The following DPYS variants were observed in gnomAD, a reference collection of about 807,000 sequenced individuals.
DPYS encodes dihydropyrimidine amidohydrolase.
Under a neutral mutation model 50.3 loss-of-function variants are expected in DPYS, and 39 were observed. That is an observed-to-expected ratio of 0.78 (90% CI 0.60 to 1.01). The LOEUF is 1.01. Among genes scored for constraint, DPYS ranks in the 50% least tolerant of loss-of-function variants. The probability of loss-of-function intolerance (pLI) is 0.00; values close to 1 mark genes in which losing one functional copy is unlikely to be tolerated. For missense variants in DPYS, 659 were observed against 680.9 expected, an observed-to-expected ratio of 0.97 and a Z score of 0.36; for synonymous variants, 245 against 250.7, an observed-to-expected ratio of 0.98 and a Z score of 0.22.
chr8:104,465,138 A>T (rs888710536), intron 1 of DPYS, among the ~76,000 whole-genome samples: 2 of 152,076 alleles, frequency 1.3e-5, no homozygotes, highest in African/African-American at 4.8e-5. Flanking sequence ...GGATTGGGGA[A>T]CTTGGAGAGG....
At chr8:104,429,344 C>G (rs768017418) in intron 5 of DPYS, 5 of 610,638 alleles carry the variant, frequency 8.2e-6, no homozygotes, top group African/African-American at 1.9e-5. Context: ...TTCTGAGAGT[C>G]TAGGAAAGGC....
chr8:104,432,420 A>T (rs1161281756), intron 4 of DPYS, among the ~76,000 whole-genome samples: 1 of 152,216 alleles, frequency 6.6e-6, no homozygotes. Context: ...AACGCTAAAT[A>T]TTGAGTCCTG....
chr8:104,393,303 C>T (rs1301150053), intron 7 of DPYS, among the ~76,000 whole-genome samples: 3 of 152,182 alleles, frequency 2.0e-5, no homozygotes, highest in Non-Finnish European at 4.4e-5. Flanking sequence ...GTTAACAACA[C>T]ATTTTTTCAT....
At chr8:104,384,205 T>C (rs6994920) in intron 8 of DPYS, among the ~76,000 whole-genome samples, 55,533 of 152,116 alleles carry the variant, frequency 0.37, 13,601 homozygotes, top group African/African-American at 0.69. Flanking sequence ...CAGTCTTTCC[T>C]TTTGATAGAT....
chr8:104,437,746 C>A lies in DPYS; in HGVS notation c.793+6502G>T, dbSNP rs182057448. Among the ~76,000 whole-genome samples the A allele has an allele frequency of 9.7e-4, 147 of 152,278 alleles. 1 individual carries two copies. The highest frequency in any genetic ancestry group is 3.3e-3 in the African/African-American group (136 of 41,566). ...AGTTGCTTTCACTGTACTTTATGGA[C>A]TCAACTAAATTATTTCTTGAGCAAG... On this transcript the variant is annotated intron_variant, in intron 4 of 9. Transcript: ENST00000351513.
At position 104,426,972 on chromosome 8, in the gene DPYS, G is replaced by A. The variant is rs561359645; in HGVS notation, c.1092+1008C>T. Among the ~76,000 whole-genome samples the A allele has an allele frequency of 5.3e-5, 8 of 152,246 alleles. No homozygotes were observed. In the South Asian group the frequency reaches 1.2e-3, roughly 24 times the overall value. On this transcript the variant is annotated intron_variant, in intron 6 of 9. Coordinates refer to ENST00000351513, the MANE Select transcript of DPYS (RefSeq NM_001385.3). ...TCCCAACACTTCGGGAGGCGAAGGC[G>A]GGTGGATCACCTGAGGTCAGGAGTT...
chr8:104,461,349 A>G (rs963965442), intron 1 of DPYS, among the ~76,000 whole-genome samples: 1 of 114,392 alleles, frequency 8.7e-6, no homozygotes, highest in Non-Finnish European at 2.0e-5. Context: ...TAATGTCATT[A>G]TCCATCATCG....
chr8:104,415,311 C>A (rs1051855551), intron 7 of DPYS, among the ~76,000 whole-genome samples: 1 of 152,302 alleles, frequency 6.6e-6, no homozygotes, highest in African/African-American at 2.4e-5. Flanking sequence ...TTGCCCAATG[C>A]TAATGCTGAA....
intron 8 of DPYS, among the ~76,000 whole-genome samples, 157 bp downstream of exon 8, chr8:104,392,627 C>T (rs970323671): frequency 2.0e-5 from 3 of 152,128 alleles, no homozygotes; most frequent in Non-Finnish European, 2.9e-5. Flanking sequence ...TATCTAAAAA[C>T]TGGCATCTCT....
intron 4 of DPYS, among the ~76,000 whole-genome samples, chr8:104,434,759 A>G (rs1478354645): frequency 6.6e-6 from 1 of 152,244 alleles, no homozygotes; most frequent in Non-Finnish European, 1.5e-5. Context: ...CTTGGCATCC[A>G]AGAACTTTGT....
At chr8:104,434,492 T>C (rs1204828816) in intron 4 of DPYS, among the ~76,000 whole-genome samples, 1 of 152,180 alleles carries the variant, frequency 6.6e-6, no homozygotes, top group Non-Finnish European at 1.5e-5. Context: ...ATTCAGATGG[T>C]TAAGGGGCCT....
intron 7 of DPYS, among the ~76,000 whole-genome samples, chr8:104,399,158 G>A (rs986678464): frequency 6.6e-5 from 10 of 151,860 alleles, no homozygotes; most frequent in African/African-American, 2.4e-4. Context: ...GGGCATGGTG[G>A]TACATAGCTG....
intron 1 of DPYS, among the ~76,000 whole-genome samples, chr8:104,457,551 A>G (rs1299064400): frequency 6.6e-6 from 1 of 152,150 alleles, no homozygotes; most frequent in Non-Finnish European, 1.5e-5. Context: ...CTTATTTCTA[A>G]GCTTATCCTA....
At position 104,441,076 on chromosome 8, in the gene DPYS, C is replaced by T. The variant is rs998783917; in HGVS notation, c.793+3172G>A. ...CTTCCTCTTTGGGCCCCTGCTTGAT[C>T]CCATGCCTTGGTCACATGCATGGGG... On this transcript the variant is annotated intron_variant, in intron 4 of 9. Coordinates refer to ENST00000351513, the MANE Select transcript of DPYS (RefSeq NM_001385.3). 2.0e-5 allele frequency among the ~76,000 whole-genome samples: 3 copies of T among 152,120 alleles called. No individual in the cohort carries two copies. In the East Asian group the frequency reaches 5.8e-4, roughly 29 times the overall value.
At chr8:104,386,820 G>A (rs1031477659) in intron 8 of DPYS, among the ~76,000 whole-genome samples, 2 of 151,850 alleles carry the variant, frequency 1.3e-5, no homozygotes, top group East Asian at 1.9e-4. Context: ...TAGAAAGGGG[G>A]TTTCACCATG....
intron 7 of DPYS, 38 bp downstream of exon 7, chr8:104,424,209 C>G: frequency 6.2e-7 from 1 of 1,613,930 alleles, no homozygotes; most frequent in Non-Finnish European, 8.5e-7. Context: ...TGCATTTTCT[C>G]CACAATGAAG....
At chr8:104,424,992 G>A (rs1588432589) in intron 6 of DPYS, among the ~76,000 whole-genome samples, 2 of 151,716 alleles carry the variant, frequency 1.3e-5, no homozygotes, top group Non-Finnish European at 2.9e-5. Flanking sequence ...CACCACACCT[G>A]GCTAATTTTC....
At chr8:104,385,750 T>C (rs1338909878) in intron 8 of DPYS, among the ~76,000 whole-genome samples, 1 of 152,220 alleles carries the variant, frequency 6.6e-6, no homozygotes, top group African/African-American at 2.4e-5. Context: ...GTGCATTCCT[T>C]ATAAAATGAC....
chr8:104,443,505 T>G (rs1813421381), intron 4 of DPYS, among the ~76,000 whole-genome samples: 1 of 152,146 alleles, frequency 6.6e-6, no homozygotes, highest in Non-Finnish European at 1.5e-5. Context: ...CAAAAGAAAT[T>G]TATTGAGCAT....
Sources: allele counts gnomAD v4.1 joint callset (sites outside exome capture counted in the v4.1 genomes callset), GRCh38; gene constraint gnomAD v4.1.1; transcripts MANE v1.5; gene names NCBI Gene and HGNC (gene_info 2026-07-23, HGNC 2026-07-21).